FKBP5: variants seen among roughly 807,000 people sequenced by gnomAD.
The protein encoded by FKBP5 is peptidyl-prolyl cis-trans isomerase FKBP5.
Under a neutral mutation model 50.5 loss-of-function variants are expected in FKBP5, and 23 were observed. That is an observed-to-expected ratio of 0.46 (90% confidence interval 0.33 to 0.65). The LOEUF (loss-of-function observed/expected upper bound fraction) is 0.65. Among genes scored for constraint, FKBP5 ranks in the 30% least tolerant of loss-of-function variants. The probability of loss-of-function intolerance (pLI) is 0.02; values close to 1 mark genes in which losing one functional copy is unlikely to be tolerated. For missense variants in FKBP5, 411 were observed against 553.1 expected (o/e 0.74, Z 2.58); for synonymous variants, 176 against 190.6 (o/e 0.92, Z 0.63).
At chr6:35,629,182 G>A (rs748896760) in intron 3 of FKBP5, among the ~76,000 whole-genome samples, 2 of 152,144 alleles carry the variant, frequency 1.3e-5, no homozygotes, top group Non-Finnish European at 2.9e-5. Context: ...ATAGCTCACT[G>A]CAGCCTGGAC....
At chr6:35,599,515 G>A (rs1229095679) in intron 5 of FKBP5, among the ~76,000 whole-genome samples, 2 of 152,148 alleles carry the variant, frequency 1.3e-5, no homozygotes, top group Non-Finnish European at 2.9e-5. Context: ...TCTCTGTATT[G>A]TTCCAATTTT....
chr6:35,630,658 A>G (rs1764128206), intron 3 of FKBP5, among the ~76,000 whole-genome samples: 1 of 152,266 alleles, frequency 6.6e-6, no homozygotes, highest in Non-Finnish European at 1.5e-5. Context: ...AAGATCTAAC[A>G]TAACTTAAGA....
At chr6:35,633,556 A>C (rs909812461) in intron 3 of FKBP5, among the ~76,000 whole-genome samples, 6 of 151,788 alleles carry the variant, frequency 4.0e-5, no homozygotes, top group African/African-American at 1.5e-4. Flanking sequence ...AAAAAAAAAA[A>C]AAAGGAAAAA....
At chr6:35,679,367 T>G (rs943684090) in intron 1 of FKBP5, among the ~76,000 whole-genome samples, 1 of 152,266 alleles carries the variant, frequency 6.6e-6, no homozygotes, top group African/African-American at 2.4e-5. Context: ...ACTGATCAAT[T>G]AAACACCATA....
At position 35,660,264 on chromosome 6, in the gene FKBP5, ATTTT is replaced by A. The variant is rs773891773; in HGVS notation, c.-19-17425_-19-17422del. On this transcript the variant is annotated intron_variant, in intron 1 of 10. Transcript: ENST00000357266. ...AAGTCACTTTAAATGCATTGATGCT[ATTTT>A]TTTTTTTTTTTTTTTTTGAGACGGA... is the stretch of plus-strand genomic sequence containing the variant. 1.3e-3 allele frequency among the ~76,000 whole-genome samples: 61 copies of A among 46,726 alleles called. 12 individuals carry two copies. The highest frequency in any genetic ancestry group is 4.0e-3 in the African/African-American group (54 of 13,494). 30.7% of individuals were successfully genotyped at this position (46,726 alleles called of 152,430 possible). A position where few individuals can be genotyped will look rare whatever the true frequency, so the allele number is the denominator to read the frequency against.
chr6:35,713,189 G>T (rs1327819006), intron 2 of FKBP5, among the ~76,000 whole-genome samples: 3 of 151,526 alleles, frequency 2.0e-5, no homozygotes, highest in African/African-American at 7.3e-5. Flanking sequence ...AAAAAGAGGG[G>T]AGTGACTCCT....
intron 1 of FKBP5, among the ~76,000 whole-genome samples, chr6:35,677,027 T>G (rs1256993581): frequency 6.6e-6 from 1 of 152,204 alleles, no homozygotes; most frequent in Non-Finnish European, 1.5e-5. Flanking sequence ...AGTAATGAAA[T>G]AGAGTGTCAC....
At chr6:35,631,735 T>A (rs1207240787) in intron 3 of FKBP5, among the ~76,000 whole-genome samples, 1 of 151,958 alleles carries the variant, frequency 6.6e-6, no homozygotes, top group Non-Finnish European at 1.5e-5. Context: ...GGTGGGTGGA[T>A]CACGAGGTCA....
chr6:35,708,096 G>A (rs6905674), intron 2 of FKBP5, among the ~76,000 whole-genome samples: 116,367 of 152,098 alleles, frequency 0.77, 45,106 homozygotes, highest in African/African-American at 0.9. Flanking sequence ...TCTTTGACCT[G>A]ATAATTCCAC....
In FKBP5 at chr6:35,660,578, C is replaced by T. The variant is rs2150999207; in HGVS notation, c.-19-17735G>A. On this transcript the variant is annotated intron_variant, in intron 1 of 10. Transcript: ENST00000357266. The stretch of plus-strand genomic sequence containing the variant: ...CTACCGCGCCTGGCCAACACTGACA[C>T]TATTTTATGAACAAAAATATGATCT... Among the ~76,000 whole-genome samples the T allele has an allele frequency of 2.4e-5, 2 of 82,722 alleles. 1 individual carries two copies. The highest frequency in any genetic ancestry group is 7.8e-4 in the East Asian group (2 of 2,574). The allele number at this position is 82,722 out of a possible 152,430, so 54.3% of individuals were successfully genotyped here. A position where few individuals can be genotyped will look rare whatever the true frequency, so the allele number is the denominator to read the frequency against.
intron 3 of FKBP5, among the ~76,000 whole-genome samples, chr6:35,622,429 T>C (rs1356389294): frequency 6.6e-6 from 1 of 151,908 alleles, no homozygotes; most frequent in Non-Finnish European, 1.5e-5. Flanking sequence ...GAGAAGAGCT[T>C]GAGCCTAGGA....
chr6:35,696,123 C>T lies in FKBP5; in HGVS notation c.-20+24205G>A, dbSNP rs889150141. On this transcript the variant is annotated intron_variant, in intron 2 of 11. Transcript: ENST00000536438. ...TCGTGCCACTGCACTCCAGCCTGGG[C>T]GACAGTGTGAGACTCTGTCTCAAAA... Among the ~76,000 whole-genome samples the T allele has an allele frequency of 2.0e-4, 26 of 127,656 alleles. No homozygotes were observed. In the South Asian group the frequency reaches 3.8e-3, roughly 19 times the overall value. 83.7% of individuals were successfully genotyped at this position (127,656 alleles called of 152,430 possible). A position where few individuals can be genotyped will look rare whatever the true frequency, so the allele number is the denominator to read the frequency against.
At chr6:35,609,133 G>A (rs879899460) in intron 5 of FKBP5, among the ~76,000 whole-genome samples, 12 of 152,030 alleles carry the variant, frequency 7.9e-5, no homozygotes, top group Non-Finnish European at 1.6e-4. Context: ...CAGCTCTACT[G>A]CTTCAGAGAT....
intron 8 of FKBP5, chr6:35,586,502 C>T: frequency 3.0e-6 from 3 of 989,318 alleles, no homozygotes; most frequent in Non-Finnish European, 3.6e-6. Context: ...TGCAGTGGCT[C>T]ACGCCTGTAA....
chr6:35,629,264 C>T (rs1391618333), intron 3 of FKBP5, among the ~76,000 whole-genome samples: 1 of 151,842 alleles, frequency 6.6e-6, no homozygotes, highest in African/African-American at 2.4e-5. Flanking sequence ...CACCACCACG[C>T]CTGGCTAATT....
intron 2 of FKBP5, among the ~76,000 whole-genome samples, chr6:35,639,227 CTA>C (rs1236442542): frequency 1.3e-5 from 2 of 152,110 alleles, no homozygotes; most frequent in African/African-American, 4.8e-5. Context: ...CCTAATAACT[CTA>C]TGAGGTTGAT....
intron 1 of FKBP5, among the ~76,000 whole-genome samples, chr6:35,680,242 G>A (rs1248260952): frequency 6.6e-6 from 1 of 152,164 alleles, no homozygotes; most frequent in Non-Finnish European, 1.5e-5. Flanking sequence ...ACCAGCCTGA[G>A]CAACACAGCA....
rs1252661928 is a variant in FKBP5 at position 35,651,768 on chromosome 6, T to C, written c.-19-8925A>G. The C allele has an allele frequency of 2.1e-5, 4 of 194,078 alleles. No individual in the cohort carries two copies. The East Asian group carries it at 5.3e-4, about 26-fold the overall frequency. The allele number at this position is 194,078 out of a possible 1,614,324, so 12.0% of individuals were successfully genotyped here. A position where few individuals can be genotyped will look rare whatever the true frequency, so the allele number is the denominator to read the frequency against. On this transcript the variant is annotated intron_variant, in intron 1 of 10. Transcript: ENST00000357266. ...TCCACACCTAATACTTGTTTTCTAA[T>C]GATTCAAGGTACACAAATTTTATTT... is the stretch of plus-strand genomic sequence containing the variant.
intron 5 of FKBP5, among the ~76,000 whole-genome samples, chr6:35,605,129 T>C (rs1256724040): frequency 3.3e-5 from 5 of 152,104 alleles, no homozygotes; most frequent in Non-Finnish European, 7.4e-5. Context: ...TTGATGAAGT[T>C]TTCCTTGTTC....
Sources: allele counts gnomAD v4.1 joint callset (sites outside exome capture counted in the v4.1 genomes callset), GRCh38; gene constraint gnomAD v4.1.1; transcripts MANE v1.5; gene names NCBI Gene and HGNC (gene_info 2026-07-23, HGNC 2026-07-21).